The following TAF7L variants were observed in gnomAD, a reference collection of about 807,000 sequenced individuals.
TAF7L encodes transcription initiation factor TFIID subunit 7-like.
TAF7L carries 6 observed loss-of-function variants against 30.2 expected under a neutral mutation model. The observed-to-expected ratio is 0.20, with a 90% CI of 0.11 to 0.39. The LOEUF (loss-of-function observed/expected upper bound fraction) is 0.39. Ranked by LOEUF, TAF7L falls within the 10% of genes least tolerant of loss-of-function variation. TAF7L has a pLI of 1.00. For missense variants in TAF7L, 284 were observed against 277.1 expected, an observed-to-expected ratio of 1.03 and a Z score of -0.18; for synonymous variants, 93 against 94.5, an observed-to-expected ratio of 0.98 and a Z score of 0.09.
chrX:101,275,630 C>CT (rs1375998880), intron 11 of TAF7L, among the ~76,000 whole-genome samples: 1 of 111,137 alleles, frequency 9.0e-6, no homozygotes. Flanking sequence ...TACTTAACCT[C>CT]TTTGAGTTTC....
chrX:101,283,849 TAATA>T (rs1167757806), intron 3 of TAF7L, among the ~76,000 whole-genome samples: 3 of 111,465 alleles, frequency 2.7e-5, no homozygotes, highest in Non-Finnish European at 3.8e-5. Context: ...ATAGGTGAAG[TAATA>T]AATGTTTCAT....
chrX:101,285,556 A>G (rs1298809861), intron 3 of TAF7L, among the ~76,000 whole-genome samples: 2 of 106,595 alleles, frequency 1.9e-5, no homozygotes, highest in Non-Finnish European at 3.9e-5. Flanking sequence ...ATAGGGTACA[A>G]AGTTTCCCTT....
At chrX:101,281,394 A>G (rs145553919) in intron 6 of TAF7L, among the ~76,000 whole-genome samples, 2 of 112,009 alleles carry the variant, frequency 1.8e-5, no homozygotes, top group Admixed American at 9.5e-5. Context: ...TATAACCACA[A>G]TTCCCAATTT....
chrX:101,288,174 C>G (rs1924673267), intron 1 of TAF7L, among the ~76,000 whole-genome samples: 1 of 107,325 alleles, frequency 9.3e-6, no homozygotes, highest in African/African-American at 3.4e-5. Context: ...CAGAGTCTCG[C>G]TCTGTCGCCC....
At chrX:101,292,096 G>A (rs1383632127), upstream of TAF7L, among the ~76,000 whole-genome samples, 12 of 103,999 alleles carry the variant, frequency 1.2e-4, no homozygotes, top group Admixed American at 3.1e-4. Context: ...AAAATTAGCC[G>A]GGCGTAGTGG....
intron 6 of TAF7L, among the ~76,000 whole-genome samples, chrX:101,281,501 A>G (rs1924407700): frequency 8.9e-6 from 1 of 111,813 alleles, no homozygotes. Flanking sequence ...CCAGACCCCA[A>G]ATGACTAGCC....
rs1923864110 is a variant in TAF7L, at chrX:101,268,491, C to A, written c.*702G>T. 9.0e-6 allele frequency: 1 copy of A among 111,394 alleles called. No homozygotes were observed. Among genetic ancestry groups the A allele is most frequent in the Non-Finnish European group, 1.9e-5 (1 of 53,121 alleles). The allele number at this position is 111,394 out of a possible 1,213,427, so 9.2% of individuals were successfully genotyped here. A position where few individuals can be genotyped will look rare whatever the true frequency, so the allele number is the denominator to read the frequency against. ...GTTCCCTTAGTTGGTGAATAACAACCAGCTCCATCCTAAAAACAACAGAAC... is the reference window on the plus strand; with the variant it reads ...GTTCCCTTAGTTGGTGAATAACAACAAGCTCCATCCTAAAAACAACAGAAC... On this transcript the variant is annotated 3_prime_UTR_variant, in exon 13 of 13. Transcript: ENST00000356784.
At chrX:101,276,797 A>G (rs1269966145) in intron 9 of TAF7L, among the ~76,000 whole-genome samples, 1 of 110,114 alleles carries the variant, frequency 9.1e-6, no homozygotes, top group Non-Finnish European at 1.9e-5. Context: ...GGAGATTAGA[A>G]CACTAATCTA....
At chrX:101,280,843 T>C (rs917868601) in intron 6 of TAF7L, among the ~76,000 whole-genome samples, 11 of 111,879 alleles carry the variant, frequency 9.8e-5, no homozygotes, top group African/African-American at 3.6e-4. Flanking sequence ...TTATGCTGAA[T>C]GAAAAAATAA....
At chrX:101,275,400 C>T (rs1360804546) in intron 11 of TAF7L, 119 bp from the exon 12 acceptor site, 5 of 499,307 alleles carry the variant, frequency 1.0e-5, no homozygotes, top group Admixed American at 4.0e-5. Flanking sequence ...GCGGAATCTT[C>T]CTCTGTCACC....
intron 12 of TAF7L, among the ~76,000 whole-genome samples, chrX:101,271,351 T>C (rs1392363493): frequency 8.9e-6 from 1 of 111,807 alleles, no homozygotes. Context: ...TACACCAACC[T>C]AGATAGTATA....
intron 12 of TAF7L, among the ~76,000 whole-genome samples, chrX:101,269,832 G>A (rs2079826944): frequency 9.0e-6 from 1 of 111,429 alleles, no homozygotes; most frequent in East Asian, 2.8e-4. Flanking sequence ...AATTGAATAG[G>A]CTTTAAAAAA....
chrX:101,287,805 T>C (rs929800756), intron 1 of TAF7L: 20 of 272,972 alleles, frequency 7.3e-5, no homozygotes, highest in Non-Finnish European at 9.7e-5. Flanking sequence ...GATGAACAAA[T>C]GAAATAAGAG....
intron 12 of TAF7L, among the ~76,000 whole-genome samples, chrX:101,270,388 G>T (rs1220127101): frequency 9.0e-6 from 1 of 110,902 alleles, no homozygotes; most frequent in Non-Finnish European, 1.9e-5. Flanking sequence ...GTTGCTGAGT[G>T]ACCCCTGATT....
intron 12 of TAF7L, among the ~76,000 whole-genome samples, chrX:101,272,994 G>A (rs1232713923): frequency 7.2e-5 from 8 of 110,977 alleles, no homozygotes; most frequent in African/African-American, 2.3e-4. Context: ...GGCTGGTCTC[G>A]AACTCCTGGG....
At chrX:101,286,463 G>T in intron 3 of TAF7L, 112 bp downstream of exon 3, 2 of 512,005 alleles carry the variant, frequency 3.9e-6, no homozygotes, top group Non-Finnish European at 3.2e-6. Flanking sequence ...TCAAGTCAGA[G>T]ACCATATTCT....
chrX:101,277,897 T>G (rs1043734252), intron 8 of TAF7L, 152 bp downstream of exon 8: 3 of 539,144 alleles, frequency 5.6e-6, no homozygotes, highest in Non-Finnish European at 9.2e-6. Flanking sequence ...TAATTTTCTA[T>G]TACATGAATT....
chrX:101,275,229 T>C lies in TAF7L; in HGVS notation c.1079A>G (p.Asn360Ser). The change falls in exon 12 of 13, where the codon AAT (asparagine) becomes AGT (serine). Residue 360 changes from asparagine to serine, a missense_variant. Physicochemically the swap from Asn to Ser is conservative, Grantham distance 46 (BLOSUM62 1). Transcript: ENST00000356784. ...EQLELQEKQK[N>S]EKLISLQEQL... ...TGAAAACATACTTCTTACCTTCTCA[T>C]TTTTTTGTTTTTCCTGTAACTCAAG... 1 of 1,178,558 alleles carries C rather than the reference T, an allele frequency of 8.5e-7. No homozygotes were observed. The highest frequency in any genetic ancestry group is 1.1e-6 in the Non-Finnish European group (1 of 874,261).
upstream of TAF7L, among the ~76,000 whole-genome samples, chrX:101,292,120 T>TC (rs1490339530): frequency 2.0e-5 from 2 of 101,193 alleles, no homozygotes; most frequent in Non-Finnish European, 4.0e-5. Flanking sequence ...GCGCCTGTAG[T>TC]CCCAGCTACT....
Sources: allele counts gnomAD v4.1 joint callset (sites outside exome capture counted in the v4.1 genomes callset), GRCh38; gene constraint gnomAD v4.1.1; transcripts MANE v1.5; gene names NCBI Gene and HGNC (gene_info 2026-07-23, HGNC 2026-07-21).